The following GPC5 variants were observed in gnomAD, a reference collection of about 807,000 sequenced individuals.
GPC5 encodes the protein glypican 5, also known as glypican-5.
Under a neutral mutation model 53.9 loss-of-function variants are expected in GPC5, and 47 were observed. The ratio of observed to expected loss-of-function variants is 0.87; its 90% CI spans 0.69 to 1.11. GPC5 has a LOEUF of 1.11. Ranked by LOEUF, GPC5 falls within the 50% of genes most tolerant of loss-of-function variation. The probability of loss-of-function intolerance (pLI) is 0.00; values close to 1 mark genes in which losing one functional copy is unlikely to be tolerated. For missense variants in GPC5, 748 were observed against 713.1 expected, an observed-to-expected ratio of 1.05 and a Z score of -0.56; for synonymous variants, 286 against 263.3, an observed-to-expected ratio of 1.09 and a Z score of -0.84.
chr13:92,649,745 T>C (rs1430951225), intron 7 of GPC5, among the ~76,000 whole-genome samples: 2 of 152,126 alleles, frequency 1.3e-5, no homozygotes, highest in African/African-American at 4.8e-5. Context: ...GTCTCTCTCC[T>C]TGTCAGTAAA....
chr13:92,276,571 G>A (rs1488948125), intron 7 of GPC5, among the ~76,000 whole-genome samples: 1 of 151,972 alleles, frequency 6.6e-6, no homozygotes, highest in Non-Finnish European at 1.5e-5. Flanking sequence ...CTGGGCTTCT[G>A]GAAAAGTAAA....
At position 92,600,663 on chromosome 13, in the gene GPC5, A is replaced by ATTTT. The variant is rs112159074; in HGVS notation, c.1562-265607_1562-265604dup. ...CAGGACCCCATCACCACACCCAGCT[A>ATTTT]TTTTTTTTTTTTTTTGCATTTTTAC... On this transcript the variant is annotated intron_variant, in intron 7 of 7. Transcript: ENST00000377067. Among the ~76,000 whole-genome samples the ATTTT allele has an allele frequency of 3.2e-3, 442 of 139,226 alleles. 3 individuals carry two copies. The highest frequency in any genetic ancestry group is 0.01 in the African/African-American group (384 of 37,768). The allele number at this position is 139,226 out of a possible 152,430, so 91.3% of individuals were successfully genotyped here.
chr13:91,541,947 C>T (rs918966476), intron 2 of GPC5, among the ~76,000 whole-genome samples: 7 of 150,714 alleles, frequency 4.6e-5, no homozygotes, highest in Non-Finnish European at 8.9e-5. Context: ...TTCTAGTTTA[C>T]GATGAGATTT....
At chr13:92,749,776 G>A (rs1157709881) in intron 7 of GPC5, among the ~76,000 whole-genome samples, 1 of 152,114 alleles carries the variant, frequency 6.6e-6, no homozygotes, top group Non-Finnish European at 1.5e-5. Flanking sequence ...ACAGTTCATA[G>A]ACCCGCTAAT....
intron 2 of GPC5, among the ~76,000 whole-genome samples, chr13:91,508,521 T>C (rs1885069458): frequency 6.6e-6 from 1 of 152,070 alleles, no homozygotes; most frequent in Non-Finnish European, 1.5e-5. Flanking sequence ...ACAGGCAAAA[T>C]AGATCAATGG....
chr13:91,827,249 A>G (rs2038589602), intron 5 of GPC5, among the ~76,000 whole-genome samples: 1 of 151,986 alleles, frequency 6.6e-6, no homozygotes, highest in Admixed American at 6.6e-5. Flanking sequence ...TAAAACCTAT[A>G]AAGCTTTTAA....
chr13:92,655,956 G>A (rs914915809), intron 7 of GPC5, among the ~76,000 whole-genome samples: 21 of 152,046 alleles, frequency 1.4e-4, no homozygotes, highest in African/African-American at 5.1e-4. Context: ...ACTGTATTAG[G>A]TTCTGGGAAT....
chr13:91,966,098 C>G (rs1414675497), intron 6 of GPC5, among the ~76,000 whole-genome samples: 2 of 152,110 alleles, frequency 1.3e-5, no homozygotes, highest in Non-Finnish European at 2.9e-5. Context: ...AAGGTAAATT[C>G]CTCATACGGA....
chr13:92,858,922 A>G (rs1879093822), intron 7 of GPC5, among the ~76,000 whole-genome samples: 1 of 152,158 alleles, frequency 6.6e-6, no homozygotes, highest in South Asian at 2.1e-4. Context: ...TTCTATATAG[A>G]TAATTACTTT....
chr13:92,417,370 G>A (rs1728536671), intron 7 of GPC5, among the ~76,000 whole-genome samples: 2 of 152,132 alleles, frequency 1.3e-5, no homozygotes, highest in Non-Finnish European at 2.9e-5. Flanking sequence ...GAGGATGTAG[G>A]GAAATTAGAA....
intron 3 of GPC5, among the ~76,000 whole-genome samples, chr13:91,703,513 C>A (rs560320122): frequency 1.3e-4 from 20 of 152,074 alleles, no homozygotes; most frequent in Non-Finnish European, 2.2e-4. Flanking sequence ...CCTTGCATCC[C>A]AGGGATAAAT....
At chr13:92,748,167 A>C (rs1341192806) in intron 7 of GPC5, among the ~76,000 whole-genome samples, 1 of 152,030 alleles carries the variant, frequency 6.6e-6, no homozygotes, top group Non-Finnish European at 1.5e-5. Flanking sequence ...GTATGTTGCC[A>C]GTTTGTCCCT....
chr13:91,777,960 C>G (rs1343127221), intron 5 of GPC5, among the ~76,000 whole-genome samples: 15 of 152,098 alleles, frequency 9.9e-5, no homozygotes, highest in African/African-American at 4.8e-5. Flanking sequence ...TTGAGCACCT[C>G]AGAAAGTCAG....
At chr13:92,371,726 G>A (rs1009367652) in intron 7 of GPC5, among the ~76,000 whole-genome samples, 7 of 152,108 alleles carry the variant, frequency 4.6e-5, no homozygotes, top group Admixed American at 1.3e-4. Flanking sequence ...TCACTATCAC[G>A]AGAATAGCAT....
rs556773972 is a variant in GPC5, at chr13:92,261,611, T to C, written c.1561+116622T>C. On this transcript the variant is annotated intron_variant, in intron 7 of 7. Transcript: ENST00000377067. ...ATGATTAAGAGAGAGAATATTTAAT[T>C]ACCACTAATTATACCAGTAAGCATA... Among the ~76,000 whole-genome samples the C allele has an allele frequency of 2.6e-5, 4 of 152,218 alleles. No individual in the cohort carries two copies. The South Asian group carries it at 8.3e-4, about 32-fold the overall frequency.
At chr13:92,468,151 G>A (rs750781939) in intron 7 of GPC5, among the ~76,000 whole-genome samples, 14 of 151,984 alleles carry the variant, frequency 9.2e-5, no homozygotes, top group Non-Finnish European at 2.1e-4. Flanking sequence ...ATGGGGGAGA[G>A]GCAGCTAATA....
At chr13:92,494,094 TG>T (rs1215228784) in intron 7 of GPC5, among the ~76,000 whole-genome samples, 31 of 64,720 alleles carry the variant, frequency 4.8e-4, no homozygotes, top group South Asian at 9.1e-4. Context: ...TGTTTTGTTT[TG>T]TTTTGTTTTT....
chr13:91,805,453 GC>G (rs2038205087), intron 5 of GPC5, among the ~76,000 whole-genome samples: 3 of 140,148 alleles, frequency 2.1e-5, no homozygotes, highest in Non-Finnish European at 1.5e-5. Context: ...CATGGGCTTT[GC>G]TTTATTGGAT....
chr13:91,590,921 G>T (rs1379344616), intron 2 of GPC5, among the ~76,000 whole-genome samples: 1 of 152,138 alleles, frequency 6.6e-6, no homozygotes, highest in Non-Finnish European at 1.5e-5. Context: ...GAACTCTGTA[G>T]CCAGACTGCT....
Sources: gnomAD v4.1 joint callset for allele counts (sites outside exome capture counted in the v4.1 genomes callset) on GRCh38, gnomAD v4.1.1 for gene constraint, MANE v1.5 for transcripts, NCBI Gene and HGNC (gene_info 2026-07-23, HGNC 2026-07-21) for gene names.